Variants in RHOBTB1 observed in about 807,000 individuals in gnomAD.
RHOBTB1 encodes the protein Rho related BTB domain containing 1.
In RHOBTB1, 40 loss-of-function variants were observed where a neutral mutation model predicts 71.6. The observed-to-expected ratio is 0.56, with a 90% CI of 0.43 to 0.73. RHOBTB1 has a LOEUF of 0.73. RHOBTB1 is among the 30% of genes least tolerant of loss of function. The pLI, the probability that RHOBTB1 is intolerant of heterozygous loss-of-function variation, is 0.00. For missense variants in RHOBTB1, 797 were observed against 894.0 expected (o/e 0.89, Z 1.38); for synonymous variants, 319 against 334.9 (o/e 0.95, Z 0.52).
intron 5 of RHOBTB1, among the ~76,000 whole-genome samples, chr10:60,892,181 G>A (rs1202557586): frequency 1.3e-5 from 2 of 152,034 alleles, no homozygotes; most frequent in African/African-American, 4.8e-5. Flanking sequence ...AATCAATATC[G>A]ACATTTTATA....
At chr10:60,873,211 G>C (rs2080884190) in intron 9 of RHOBTB1, among the ~76,000 whole-genome samples, 2 of 152,200 alleles carry the variant, frequency 1.3e-5, no homozygotes, top group Admixed American at 1.3e-4. Flanking sequence ...CTGAAAACAA[G>C]GCTGGGGCAG....
At chr10:60,925,397 C>T (rs1252523773) in intron 2 of RHOBTB1, among the ~76,000 whole-genome samples, 1 of 151,996 alleles carries the variant, frequency 6.6e-6, no homozygotes, top group Non-Finnish European at 1.5e-5. Context: ...AAAATACAAA[C>T]ACAACATTCC....
chr10:60,874,111 A>C (rs1289825587), intron 9 of RHOBTB1, among the ~76,000 whole-genome samples: 1 of 152,210 alleles, frequency 6.6e-6, no homozygotes, highest in African/African-American at 2.4e-5. Flanking sequence ...AAATGGACTG[A>C]CCTAAGACTT....
chr10:61,001,711 C>T (rs1486110148), upstream of RHOBTB1, among the ~76,000 whole-genome samples: 1 of 152,154 alleles, frequency 6.6e-6, no homozygotes, highest in Non-Finnish European at 1.5e-5. Flanking sequence ...GGCCGCCTCC[C>T]CCCGCCCCCC....
the RHOBTB1 span, among the ~76,000 whole-genome samples, chr10:60,863,213 A>G: frequency 6.6e-6 from 1 of 152,174 alleles, no homozygotes; most frequent in Non-Finnish European, 1.5e-5. Context: ...GTTTTGCACA[A>G]TTTAGAGGAA....
At chr10:60,942,778 C>G (rs959174561) in intron 1 of RHOBTB1, among the ~76,000 whole-genome samples, 1 of 151,906 alleles carries the variant, frequency 6.6e-6, no homozygotes, top group Non-Finnish European at 1.5e-5. Flanking sequence ...TTGCTAAGAC[C>G]AAACAAACAC....
chr10:60,975,608 G>C (rs1337404782), intron 2 of RHOBTB1, among the ~76,000 whole-genome samples: 1 of 152,070 alleles, frequency 6.6e-6, no homozygotes, highest in Non-Finnish European at 1.5e-5. Context: ...TGGAGTTTCA[G>C]TAACATTCTC....
chr10:60,934,602 C>A (rs1178254556), intron 2 of RHOBTB1, among the ~76,000 whole-genome samples: 1 of 152,180 alleles, frequency 6.6e-6, no homozygotes, highest in Non-Finnish European at 1.5e-5. Flanking sequence ...TATAACGGTT[C>A]ATTGTTGACT....
At chr10:60,902,241 A>T (rs1319460089) in intron 4 of RHOBTB1, among the ~76,000 whole-genome samples, 1 of 152,170 alleles carries the variant, frequency 6.6e-6, no homozygotes, top group Non-Finnish European at 1.5e-5. Context: ...CTGCAATTCT[A>T]TGCTTGAGTT....
intron 2 of RHOBTB1, among the ~76,000 whole-genome samples, chr10:60,964,847 T>A (rs919430883): frequency 6.6e-6 from 1 of 152,168 alleles, no homozygotes; most frequent in Non-Finnish European, 1.5e-5. Flanking sequence ...TTTTACAGGG[T>A]GGATTAAACT....
chr10:60,964,636 T>C (rs1181726035), intron 2 of RHOBTB1, among the ~76,000 whole-genome samples: 1 of 152,146 alleles, frequency 6.6e-6, no homozygotes, highest in Non-Finnish European at 1.5e-5. Flanking sequence ...CTGCTTACTA[T>C]GACTAATGTG....
At chr10:60,883,671 T>C (rs926970947) in intron 7 of RHOBTB1, among the ~76,000 whole-genome samples, 2 of 152,202 alleles carry the variant, frequency 1.3e-5, no homozygotes, top group African/African-American at 4.8e-5. Context: ...CCTAGCTTTT[T>C]TCTGGATACA....
chr10:60,927,919 G>T (rs923182304), intron 2 of RHOBTB1, among the ~76,000 whole-genome samples: 1 of 152,072 alleles, frequency 6.6e-6, no homozygotes, highest in African/African-American at 2.4e-5. Flanking sequence ...GAAAATATTT[G>T]CAAATTACCC....
upstream of RHOBTB1, among the ~76,000 whole-genome samples, chr10:60,946,807 A>G (rs2085253878): frequency 6.6e-6 from 1 of 152,224 alleles, no homozygotes; most frequent in African/African-American, 2.4e-5. Flanking sequence ...ACCAAGGCTC[A>G]CAGGCTTCCA....
intron 1 of RHOBTB1, among the ~76,000 whole-genome samples, chr10:60,988,403 T>C (rs1169603333): frequency 6.6e-6 from 1 of 152,082 alleles, no homozygotes; most frequent in African/African-American, 2.4e-5. Context: ...CAAATTTTCC[T>C]GTTACCCAGG....
chr10:60,923,591 C>A (rs1275966223), intron 2 of RHOBTB1, among the ~76,000 whole-genome samples: 3 of 152,192 alleles, frequency 2.0e-5, no homozygotes, highest in Admixed American at 1.3e-4. Context: ...GACTGACTGT[C>A]AAAATGCAAT....
intron 2 of RHOBTB1, among the ~76,000 whole-genome samples, chr10:60,980,386 T>C (rs2086457629): frequency 6.6e-6 from 1 of 152,188 alleles, no homozygotes; most frequent in African/African-American, 2.4e-5. Flanking sequence ...AAAAAATGAT[T>C]AAACTTTGGG....
chr10:60,881,612 C>T (rs535446555), intron 7 of RHOBTB1, among the ~76,000 whole-genome samples: 1 of 152,282 alleles, frequency 6.6e-6, no homozygotes, highest in South Asian at 2.1e-4. Flanking sequence ...CCCTCAGTCT[C>T]TTCATCCGTT....
At chr10:60,906,783 A>G (rs1207286213) in intron 4 of RHOBTB1, among the ~76,000 whole-genome samples, 1 of 152,142 alleles carries the variant, frequency 6.6e-6, no homozygotes, top group African/African-American at 2.4e-5. Context: ...AGACAGATCA[A>G]TGAAGGAAAT....
Sources: allele counts gnomAD v4.1 joint callset (sites outside exome capture counted in the v4.1 genomes callset), GRCh38; gene constraint gnomAD v4.1.1; transcripts MANE v1.5; gene names NCBI Gene and HGNC (gene_info 2026-07-23, HGNC 2026-07-21).